The following FGGY variants were observed in gnomAD, a reference collection of about 807,000 sequenced individuals.
FGGY encodes FGGY carbohydrate kinase domain-containing protein.
FGGY carries 72 observed loss-of-function variants against 71.3 expected under a neutral mutation model. The ratio of observed to expected loss-of-function variants is 1.01; its 90% CI spans 0.84 to 1.23. FGGY has a LOEUF of 1.23. Ranked by LOEUF, FGGY falls within the 50% of genes most tolerant of loss-of-function variation. The pLI is 0.00. For missense variants in FGGY, 668 were observed against 682.3 expected, an observed-to-expected ratio of 0.98 and a Z score of 0.23; for synonymous variants, 251 against 250.3, an observed-to-expected ratio of 1.00 and a Z score of -0.02.
At chr1:59,751,603 TAATAATTTTAA>T (rs1054665810) in intron 14 of FGGY, among the ~76,000 whole-genome samples, 1 of 152,232 alleles carries the variant, frequency 6.6e-6, no homozygotes, top group African/African-American at 2.4e-5. Context: ...GGTGTGTTTT[TAATAATTTTAA>T]AATGATTTTT....
intron 8 of FGGY, among the ~76,000 whole-genome samples, chr1:59,596,748 G>A (rs894223400): frequency 6.6e-6 from 1 of 152,192 alleles, no homozygotes; most frequent in African/African-American, 2.4e-5. Flanking sequence ...TCCAGACCTG[G>A]CAGGAAAGAG....
intron 6 of FGGY, among the ~76,000 whole-genome samples, chr1:59,466,598 CCTGCTCAT>C (rs1313824353): frequency 6.6e-6 from 1 of 152,128 alleles, no homozygotes; most frequent in African/African-American, 2.4e-5. Flanking sequence ...ATTTTCACAA[CCTGCTCAT>C]CTGACAAAGG....
chr1:59,493,296 C>A (rs2093935691), intron 6 of FGGY, among the ~76,000 whole-genome samples: 1 of 152,098 alleles, frequency 6.6e-6, no homozygotes, highest in South Asian at 2.1e-4. Flanking sequence ...GGCCATATAC[C>A]CAAAAGAATG....
At chr1:59,385,194 GT>G (rs1171945847) in intron 5 of FGGY, among the ~76,000 whole-genome samples, 1 of 151,464 alleles carries the variant, frequency 6.6e-6, no homozygotes. Flanking sequence ...TTTTGTTTTT[GT>G]TTTTTTACCC....
At chr1:59,739,717 C>G (rs1455373537) in intron 14 of FGGY, among the ~76,000 whole-genome samples, 1 of 152,046 alleles carries the variant, frequency 6.6e-6, no homozygotes, top group Non-Finnish European at 1.5e-5. Context: ...TTCTCTTTTT[C>G]TACATGGTCA....
intron 14 of FGGY, among the ~76,000 whole-genome samples, chr1:59,678,755 A>C (rs1573053875): frequency 6.6e-6 from 1 of 151,074 alleles, no homozygotes; most frequent in Non-Finnish European, 1.5e-5. Flanking sequence ...TTGAACCACC[A>C]CCCCCCACCC....
intron 14 of FGGY, among the ~76,000 whole-genome samples, chr1:59,754,336 T>G (rs1300525160): frequency 6.6e-6 from 1 of 152,228 alleles, no homozygotes; most frequent in Non-Finnish European, 1.5e-5. Context: ...TCTATTCTCA[T>G]AGATTGCTCA....
chr1:59,741,559 G>A (rs974410051), intron 14 of FGGY, among the ~76,000 whole-genome samples: 1 of 152,196 alleles, frequency 6.6e-6, no homozygotes, highest in Admixed American at 6.5e-5. Context: ...ATAGCAGTGC[G>A]AGAACAAGCT....
At chr1:59,465,265 T>C (rs1031344423) in intron 6 of FGGY, among the ~76,000 whole-genome samples, 21 of 152,290 alleles carry the variant, frequency 1.4e-4, no homozygotes, top group Middle Eastern at 3.4e-3. Context: ...AAAAACCACA[T>C]GATTATCTCA....
chr1:59,351,801 G>A (rs983230785), intron 4 of FGGY, among the ~76,000 whole-genome samples: 1 of 152,122 alleles, frequency 6.6e-6, no homozygotes, highest in African/African-American at 2.4e-5. Context: ...TCAGATGGAG[G>A]AGCCAGAGCT....
At chr1:59,456,629 G>T (rs1199885718) in intron 5 of FGGY, among the ~76,000 whole-genome samples, 1 of 152,048 alleles carries the variant, frequency 6.6e-6, no homozygotes, top group Non-Finnish European at 1.5e-5. Context: ...TGTATTTTTA[G>T]TAGAGACGGG....
intron 14 of FGGY, among the ~76,000 whole-genome samples, chr1:59,744,898 T>C (rs962803560): frequency 6.6e-6 from 1 of 152,206 alleles, no homozygotes; most frequent in African/African-American, 2.4e-5. Context: ...TGCTGAATGA[T>C]AAGACAGAGG....
chr1:59,597,285 A>G (rs2096533565), intron 8 of FGGY, among the ~76,000 whole-genome samples: 1 of 152,204 alleles, frequency 6.6e-6, no homozygotes, highest in South Asian at 2.1e-4. Flanking sequence ...GACTTTTAGT[A>G]AAAGATGCTT....
chr1:59,427,989 G>A (rs2066685923), intron 5 of FGGY, among the ~76,000 whole-genome samples: 1 of 152,190 alleles, frequency 6.6e-6, no homozygotes, highest in South Asian at 2.1e-4. Flanking sequence ...GGAAGTTGCT[G>A]TCCAGAGTAC....
chr1:59,756,399 G>A (rs2098291724), intron 14 of FGGY, among the ~76,000 whole-genome samples: 2 of 152,210 alleles, frequency 1.3e-5, no homozygotes, highest in Admixed American at 1.3e-4. Flanking sequence ...AACCTAGCAG[G>A]AGTGGAAATT....
intron 9 of FGGY, among the ~76,000 whole-genome samples, chr1:59,618,199 A>G (rs1032746397): frequency 7.2e-5 from 11 of 152,146 alleles, no homozygotes; most frequent in Admixed American, 3.9e-4. Flanking sequence ...AAAAATAGAT[A>G]GTACAATCAC....
intron 2 of FGGY, among the ~76,000 whole-genome samples, chr1:59,324,497 C>T (rs1160978418): frequency 6.6e-6 from 1 of 151,500 alleles, no homozygotes; most frequent in Non-Finnish European, 1.5e-5. Flanking sequence ...GGGATGGTCT[C>T]GATCTCCTGA....
chr1:59,715,253 G>C (rs1287431182), intron 14 of FGGY, among the ~76,000 whole-genome samples: 1 of 152,160 alleles, frequency 6.6e-6, no homozygotes, highest in Non-Finnish European at 1.5e-5. Flanking sequence ...AAAAGCAGCT[G>C]ATCCATTGGT....
At chr1:59,352,096 A>G (rs2053426850) in intron 4 of FGGY, among the ~76,000 whole-genome samples, 1 of 152,198 alleles carries the variant, frequency 6.6e-6, no homozygotes, top group Non-Finnish European at 1.5e-5. Flanking sequence ...AACCCCCAGC[A>G]GTCTGGCTTT....
Sources: gnomAD v4.1 joint callset for allele counts (sites outside exome capture counted in the v4.1 genomes callset) on GRCh38, gnomAD v4.1.1 for gene constraint, MANE v1.5 for transcripts, NCBI Gene and HGNC (gene_info 2026-07-23, HGNC 2026-07-21) for gene names.